The following MAGI2 variants were observed in gnomAD, a reference collection of about 807,000 sequenced individuals.
MAGI2 encodes membrane associated guanylate kinase, WW and PDZ domain containing 2.
Under a neutral mutation model 133.3 loss-of-function variants are expected in MAGI2, and 35 were observed. The observed-to-expected ratio is 0.26, with a 90% CI of 0.20 to 0.35. The LOEUF (loss-of-function observed/expected upper bound fraction) is 0.35. Among genes scored for constraint, MAGI2 ranks in the 10% least tolerant of loss-of-function variants. The probability of loss-of-function intolerance (pLI) is 1.00; values close to 1 mark genes in which losing one functional copy is unlikely to be tolerated. For missense variants in MAGI2, 1,636 were observed against 1,863.4 expected, an observed-to-expected ratio of 0.88 and a Z score of 2.25; for synonymous variants, 729 against 710.6, an observed-to-expected ratio of 1.03 and a Z score of -0.41.
chr7:78,522,883 C>G (rs982741883), intron 3 of MAGI2, among the ~76,000 whole-genome samples: 5 of 152,090 alleles, frequency 3.3e-5, no homozygotes. Context: ...AGTTATGCAC[C>G]CAGGCACTCC....
chr7:78,329,763 G>A (rs561351121), intron 9 of MAGI2, among the ~76,000 whole-genome samples: 3 of 152,252 alleles, frequency 2.0e-5, no homozygotes, highest in Admixed American at 6.5e-5. Context: ...TCTGTAAAAC[G>A]TGCCTAGCAA....
chr7:78,403,315 A>G (rs1312091460), intron 6 of MAGI2, among the ~76,000 whole-genome samples: 2 of 152,198 alleles, frequency 1.3e-5, no homozygotes, highest in African/African-American at 2.4e-5. Flanking sequence ...CCATGTGCCT[A>G]CAAAGACATG....
At chr7:79,305,744 C>G (rs964890896) in intron 1 of MAGI2, among the ~76,000 whole-genome samples, 1 of 151,852 alleles carries the variant, frequency 6.6e-6, no homozygotes, top group Non-Finnish European at 1.5e-5. Context: ...CCTGTCTCTA[C>G]AAAAAATAAG....
At chr7:78,491,744 A>G (rs189300543) in intron 5 of MAGI2, among the ~76,000 whole-genome samples, 9 of 152,138 alleles carry the variant, frequency 5.9e-5, no homozygotes, top group Admixed American at 5.2e-4. Context: ...AAAGACTTGA[A>G]GCTTGAGGAT....
rs1456584108 is a variant in MAGI2 at position 78,377,641 on chromosome 7, A to AT, written c.1046-8429_1046-8428insA. Among the ~76,000 whole-genome samples, 377 of 150,634 alleles carry AT rather than the reference A, an allele frequency of 2.5e-3. 1 individual carries two copies. Among genetic ancestry groups the AT allele is most frequent in the African/African-American group, 8.7e-3 (356 of 41,026 alleles). ...TAAGACACACCAACTACTCTGCAAA[A>AT]AATAATAATAATAATAAAAAATAAA... On this transcript the variant is annotated intron_variant, in intron 6 of 21. Coordinates refer to ENST00000354212, the MANE Select transcript of MAGI2 (RefSeq NM_012301.4).
intron 1 of MAGI2, among the ~76,000 whole-genome samples, chr7:79,363,544 T>C (rs1842497960): frequency 6.6e-6 from 1 of 151,008 alleles, no homozygotes; most frequent in South Asian, 2.1e-4. Context: ...GGACACCTGG[T>C]TAAAAATCAA....
At chr7:78,634,137 G>GA (rs1809370374) in intron 2 of MAGI2, among the ~76,000 whole-genome samples, 1 of 152,112 alleles carries the variant, frequency 6.6e-6, no homozygotes, top group Non-Finnish European at 1.5e-5. Flanking sequence ...GTTTGAGTAT[G>GA]AAAAAAACAT....
intron 3 of MAGI2, among the ~76,000 whole-genome samples, chr7:78,542,125 TG>T (rs1185794887): frequency 2.0e-5 from 3 of 152,248 alleles, no homozygotes; most frequent in Non-Finnish European, 2.9e-5. Flanking sequence ...GAATTTCATG[TG>T]ATTTCTATGT....
chr7:78,512,099 G>A (rs1162994201), intron 4 of MAGI2, among the ~76,000 whole-genome samples: 5 of 151,390 alleles, frequency 3.3e-5, no homozygotes, highest in Non-Finnish European at 7.4e-5. Context: ...CTCCAGCCTG[G>A]GTGATGGAGC....
At chr7:78,400,674 A>T (rs1420139277) in intron 6 of MAGI2, among the ~76,000 whole-genome samples, 3 of 152,320 alleles carry the variant, frequency 2.0e-5, no homozygotes, top group African/African-American at 7.2e-5. Flanking sequence ...TCTGAGACAA[A>T]TTTAGCCTAC....
chr7:79,428,218 G>T (rs73147408), intron 1 of MAGI2, among the ~76,000 whole-genome samples: 23,951 of 152,110 alleles, frequency 0.16, 2,068 homozygotes, highest in East Asian at 0.3. Context: ...CTTGGCTGTT[G>T]TCAGATTAGA....
At chr7:78,590,132 T>C (rs1488104310) in intron 3 of MAGI2, among the ~76,000 whole-genome samples, 1 of 152,188 alleles carries the variant, frequency 6.6e-6, no homozygotes, top group Non-Finnish European at 1.5e-5. Flanking sequence ...GAGGGAGTAG[T>C]TTTGCAGGAA....
intron 16 of MAGI2, among the ~76,000 whole-genome samples, chr7:78,142,800 G>A (rs1477246012): frequency 6.6e-6 from 1 of 152,138 alleles, no homozygotes; most frequent in African/African-American, 2.4e-5. Flanking sequence ...GTAGGTGTGT[G>A]GGGTCTGGGA....
At chr7:78,683,411 G>A (rs762102045) in intron 2 of MAGI2, among the ~76,000 whole-genome samples, 1 of 152,170 alleles carries the variant, frequency 6.6e-6, no homozygotes, top group Non-Finnish European at 1.5e-5. Context: ...CAAGGGCAGA[G>A]TATGAACAAA....
intron 1 of MAGI2, among the ~76,000 whole-genome samples, chr7:79,407,935 C>T (rs1407238328): frequency 6.6e-6 from 1 of 152,060 alleles, no homozygotes; most frequent in Admixed American, 6.6e-5. Context: ...ATATGTGCCA[C>T]CCTAACCATA....
In MAGI2 at chr7:78,163,237, A is replaced by T. The variant is rs924868927; in HGVS notation, c.2597-2964T>A. On this transcript the variant is annotated intron_variant, in intron 15 of 21. Transcript: ENST00000354212. The stretch of plus-strand genomic sequence containing the variant: ...ACTGCAAGCTCTGCCTCCCGAGTTC[A>T]TGCCGTTCTCCTGTCTTAGCCTCCC... 2.6e-5 allele frequency among the ~76,000 whole-genome samples: 4 copies of T among 152,050 alleles called. No homozygotes were observed. In the South Asian group the frequency reaches 8.3e-4, roughly 32 times the overall value.
At chr7:79,394,403 G>A (rs144166475) in intron 1 of MAGI2, among the ~76,000 whole-genome samples, 271 of 152,252 alleles carry the variant, frequency 1.8e-3, no homozygotes, top group African/African-American at 6.2e-3. Context: ...TGATTGTGCC[G>A]ATTCCTGTTT....
In MAGI2 at chr7:79,453,328, G is replaced by A. The variant is rs1404542771; in HGVS notation, c.-8C>T. On this transcript the variant is annotated 5_prime_UTR_variant, in exon 1 of 22. Coordinates refer to ENST00000354212, the MANE Select transcript of MAGI2 (RefSeq NM_012301.4). Reference sequence around the variant, plus strand: ...TTTCAAGCTTTTGGACATGGCAGTGGGGCGAGTCGCCTCAGTTCCTGGGCT... The same window carrying A: ...TTTCAAGCTTTTGGACATGGCAGTGAGGCGAGTCGCCTCAGTTCCTGGGCT... 2 of 1,597,844 alleles carry A rather than the reference G, an allele frequency of 1.3e-6. No homozygotes were observed. The highest frequency in any genetic ancestry group is 2.7e-5 in the African/African-American group (2 of 74,154).
chr7:78,446,584 C>T (rs1164793180), intron 6 of MAGI2, among the ~76,000 whole-genome samples: 2 of 152,016 alleles, frequency 1.3e-5, no homozygotes, highest in African/African-American at 4.8e-5. Flanking sequence ...AGGAACTCTA[C>T]CAGATTTTGT....
Sources: gnomAD v4.1 joint callset for allele counts (sites outside exome capture counted in the v4.1 genomes callset) on GRCh38, gnomAD v4.1.1 for gene constraint, MANE v1.5 for transcripts, NCBI Gene and HGNC (gene_info 2026-07-23, HGNC 2026-07-21) for gene names.